The following MED15 variants were observed in gnomAD, a reference collection of about 807,000 sequenced individuals.
MED15 encodes the protein mediator of RNA polymerase II transcription subunit 15.
A neutral mutation model predicts 118.7 loss-of-function variants in MED15; 41 were observed. The observed-to-expected ratio is 0.35, with a 90% CI of 0.27 to 0.45. The LOEUF (loss-of-function observed/expected upper bound fraction) is 0.45. MED15 is among the 20% of genes least tolerant of loss of function. The pLI is 1.00. For synonymous variants in MED15, 436 were observed against 413.9 expected, an observed-to-expected ratio of 1.05 and a Z score of -0.65; for missense variants, 740 against 1,025.5, an observed-to-expected ratio of 0.72 and a Z score of 3.80.
intron 9 of MED15, among the ~76,000 whole-genome samples, chr22:20,576,626 AG>A (rs2056831449): frequency 6.6e-6 from 1 of 152,234 alleles, no homozygotes; most frequent in South Asian, 2.1e-4. Flanking sequence ...TTACAGCGGG[AG>A]GAAGTGCCTG....
At chr22:20,583,527 G>T in intron 13 of MED15, 134 bp downstream of exon 13, 1 of 1,032,604 alleles carries the variant, frequency 9.7e-7, no homozygotes. Context: ...GGCCTCCAAG[G>T]CTCCACTCTG....
At chr22:20,525,502 A>T (rs925267872) in intron 1 of MED15, among the ~76,000 whole-genome samples, 1 of 147,326 alleles carries the variant, frequency 6.8e-6, no homozygotes, top group Non-Finnish European at 1.5e-5. Context: ...GACATGAGCC[A>T]TTGAGCCTGG....
intron 1 of MED15, among the ~76,000 whole-genome samples, chr22:20,525,207 C>G (rs1347466408): frequency 6.6e-6 from 1 of 152,056 alleles, no homozygotes; most frequent in South Asian, 2.1e-4. Context: ...GGGAGGATTG[C>G]TTGAGCCTAG....
chr22:20,562,890 G>A (rs538442434), intron 5 of MED15, among the ~76,000 whole-genome samples: 1 of 152,064 alleles, frequency 6.6e-6, no homozygotes, highest in Non-Finnish European at 1.5e-5. Context: ...TTACAAATTA[G>A]TTGGGTGTGG....
chr22:20,554,804 T>TA lies in MED15; in HGVS notation c.239-131dup, dbSNP rs992793137. 5 of 869,778 alleles carry TA rather than the reference T, an allele frequency of 5.7e-6. No homozygotes were observed. The African/African-American group carries it at 6.8e-5, about 12-fold the overall frequency. 53.9% of individuals were successfully genotyped at this position (869,778 alleles called of 1,614,324 possible). A position where few individuals can be genotyped will look rare whatever the true frequency, so the allele number is the denominator to read the frequency against. ...GGGAGTCTCCAGGAGCCTAGTCTCTTACTGCTTGGGGCTGTGAGGGGATTG... is the reference window on the plus strand; with the variant it reads ...GGGAGTCTCCAGGAGCCTAGTCTCTTAACTGCTTGGGGCTGTGAGGGGATTG... On this transcript the variant is annotated intron_variant, in intron 4 of 17. Transcript: ENST00000263205.
chr22:20,510,510 G>T (rs1227436066), intron 1 of MED15, among the ~76,000 whole-genome samples: 4 of 152,174 alleles, frequency 2.6e-5, no homozygotes, highest in African/African-American at 9.7e-5. Flanking sequence ...ACGTTGGCAG[G>T]GTGCATTTCT....
At chr22:20,527,233 T>C (rs2054676979) in intron 1 of MED15, among the ~76,000 whole-genome samples, 1 of 152,194 alleles carries the variant, frequency 6.6e-6, no homozygotes, top group African/African-American at 2.4e-5. Context: ...TCTAGTTTTA[T>C]CTTTTATCTC....
intron 1 of MED15, among the ~76,000 whole-genome samples, chr22:20,520,707 G>A (rs947717401): frequency 1.3e-5 from 2 of 152,150 alleles, no homozygotes; most frequent in South Asian, 2.1e-4. Context: ...ATGGCCAGCC[G>A]AGACATTTGG....
rs749435311 is a variant in MED15, at chr22:20,584,347, C to T, written c.1737-12C>T. 1.2e-6 allele frequency: 2 copies of T among 1,613,488 alleles called. No homozygotes were observed. Among genetic ancestry groups the T allele is most frequent in the South Asian group, 2.2e-5 (2 of 91,064 alleles). On this transcript the variant is annotated splice_polypyrimidine_tract_variant and intron_variant, in intron 13 of 17. Coordinates refer to ENST00000263205, the MANE Select transcript of MED15 (RefSeq NM_001003891.3). ...CTTCCACTCTTTCAGCCCAAGTCCT[C>T]TCTCTCTGCAGGTGTCCCCTGAAGA...
chr22:20,533,343 G>T (rs1265851973), intron 1 of MED15, among the ~76,000 whole-genome samples: 1 of 152,248 alleles, frequency 6.6e-6, no homozygotes, highest in East Asian at 1.9e-4. Flanking sequence ...GGGATTAGCT[G>T]CAGAGTTCCT....
At chr22:20,535,606 C>T (rs1298649404) in intron 1 of MED15, among the ~76,000 whole-genome samples, 4 of 151,392 alleles carry the variant, frequency 2.6e-5, no homozygotes, top group Non-Finnish European at 4.4e-5. Context: ...GTTGCCCAGG[C>T]TGAAGTGCAG....
At position 20,564,579 on chromosome 22, in the gene MED15, G is replaced by A. The variant is rs750113958; in HGVS notation, c.581G>A (p.Ser194Asn). The A allele has an allele frequency of 1.2e-6, 2 of 1,607,972 alleles. No individual in the cohort carries two copies. Among genetic ancestry groups the A allele is most frequent in the Non-Finnish European group, 1.7e-6 (2 of 1,175,944 alleles). Residue 194 changes from serine (S) to asparagine (N), a missense_variant, in exon 6 of 18, where the codon AGT becomes AAT. By Grantham distance (46) the Ser-to-Asn change is conservative. Around this residue, in one of 7 missense-constraint regions of MED15, gnomAD observed 384 missense variants for 506.3 expected, o/e 0.76. Transcript: ENST00000263205. ...CAGCAGCAGTTCCAGGCTCAGCAGA[G>A]TGCCATGCAGCAGCAGTTCCAAGCA... ...QQQQQFQAQQ[S>N]AMQQQFQAVV...
chr22:20,512,410 G>C (rs2054101948), intron 1 of MED15, among the ~76,000 whole-genome samples: 1 of 151,978 alleles, frequency 6.6e-6, no homozygotes. Context: ...CTCAGTATCA[G>C]ATACTCAGAG....
chr22:20,574,421 C>G (rs2056760973), intron 8 of MED15: 1 of 152,328 alleles, frequency 6.6e-6, no homozygotes, highest in Non-Finnish European at 1.5e-5. Context: ...TGCTGGAGTT[C>G]CTGACTCGCA....
chr22:20,566,331 C>T, intron 6 of MED15, 136 bp from the exon 7 acceptor site: 1 of 1,479,922 alleles, frequency 6.8e-7, no homozygotes, highest in Non-Finnish European at 9.1e-7. Context: ...TGAGCCACTG[C>T]ACCCAGCCAG....
intron 2 of MED15, 115 bp downstream of exon 2, chr22:20,537,319 A>C: frequency 1.2e-6 from 1 of 815,170 alleles, no homozygotes; most frequent in Non-Finnish European, 1.9e-6. Context: ...GTGGTTGCTC[A>C]TCGATTGATC....
intron 1 of MED15, among the ~76,000 whole-genome samples, chr22:20,513,982 G>C (rs143875278): frequency 1.3e-5 from 2 of 152,254 alleles, no homozygotes; most frequent in African/African-American, 4.8e-5. Context: ...TCCCACCTCA[G>C]CATTCCCAAG....
rs924603121 is a variant in MED15, at chr22:20,521,088, A to ATTTTT, written c.68+13364_68+13368dup. Among the ~76,000 whole-genome samples, 13 of 61,500 alleles carry ATTTTT rather than the reference A, an allele frequency of 2.1e-4. 2 individuals are homozygous for ATTTTT. Among genetic ancestry groups the ATTTTT allele is most frequent in the South Asian group, 1.7e-3 (3 of 1,744 alleles). The allele number at this position is 61,500 out of a possible 152,430, so 40.3% of individuals were successfully genotyped here. A position where few individuals can be genotyped will look rare whatever the true frequency, so the allele number is the denominator to read the frequency against. On this transcript the variant is annotated intron_variant, in intron 1 of 17. Coordinates refer to ENST00000263205, the MANE Select transcript of MED15 (RefSeq NM_001003891.3). ...TATCCTCACAGGCAGCAGTTGTTCTATTTTTTTTTTTTTTTTTTTTTTTTT... is the reference window on the plus strand; with the variant it reads ...TATCCTCACAGGCAGCAGTTGTTCTATTTTTTTTTTTTTTTTTTTTTTTTTTTTTT...
chr22:20,519,116 G>C (rs1340325848), intron 1 of MED15: 2 of 335,898 alleles, frequency 6.0e-6, no homozygotes, highest in Non-Finnish European at 1.2e-5. Context: ...GCCTCCCAAA[G>C]TGCTGGGATT....
Sources: gnomAD v4.1 joint callset for allele counts (sites outside exome capture counted in the v4.1 genomes callset) on GRCh38, gnomAD v4.1.1 for gene constraint, gnomAD v4.1.1 regional missense constraint, MANE v1.5 for transcripts, NCBI Gene and HGNC (gene_info 2026-07-23, HGNC 2026-07-21) for gene names.